Variants in GYG1 observed in about 807,000 individuals in gnomAD.
The protein encoded by GYG1 is glycogenin-1.
Under a neutral mutation model 41.9 loss-of-function variants are expected in GYG1, and 44 were observed. That is an observed-to-expected ratio of 1.05 (90% CI 0.83 to 1.35). GYG1 has a LOEUF of 1.35. Ranked by LOEUF, GYG1 falls within the 40% of genes most tolerant of loss-of-function variation. GYG1 has a pLI of 0.00. For missense variants in GYG1, 429 were observed against 418.9 expected, an observed-to-expected ratio of 1.02 and a Z score of -0.21; for synonymous variants, 141 against 158.1, an observed-to-expected ratio of 0.89 and a Z score of 0.81.
rs775451233 is a variant in GYG1 at position 148,991,664 on chromosome 3, C to G, written c.7+17C>G. On this transcript the variant is annotated intron_variant, in intron 1 of 7. Transcript: ENST00000345003. ...CCATGACAGGTACCGCCGCGCAGCC[C>G]GCCGCCGCCAGCCCCGGGACCCCGG... 2.0e-5 allele frequency: 31 copies of G among 1,520,012 alleles called. No homozygotes were observed. Among genetic ancestry groups the G allele is most frequent in the Admixed American group, 5.9e-5 (3 of 50,890 alleles). 94.2% of individuals were successfully genotyped at this position (1,520,012 alleles called of 1,614,324 possible).
intron 5 of GYG1, among the ~76,000 whole-genome samples, chr3:149,016,802 G>A (rs537284342): frequency 2.6e-5 from 4 of 152,324 alleles, no homozygotes; most frequent in African/African-American, 9.6e-5. Flanking sequence ...GAGTGCGTGA[G>A]AGAGGAGAGG....
intron 3 of GYG1, 42 bp downstream of exon 3, chr3:148,996,518 A>G: frequency 6.5e-7 from 1 of 1,529,436 alleles, no homozygotes; most frequent in Non-Finnish European, 9.0e-7. Flanking sequence ...ACATATATAT[A>G]TATGGTGATG....
At chr3:149,015,818 A>G (rs1174947616) in intron 5 of GYG1, among the ~76,000 whole-genome samples, 2 of 152,068 alleles carry the variant, frequency 1.3e-5, no homozygotes, top group African/African-American at 4.8e-5. Flanking sequence ...GTGTAAAGAT[A>G]GATGTCACCA....
chr3:149,007,508 G>C (rs1361483865), intron 4 of GYG1, among the ~76,000 whole-genome samples: 2 of 152,214 alleles, frequency 1.3e-5, no homozygotes, highest in Non-Finnish European at 2.9e-5. Flanking sequence ...AGAGTTGATT[G>C]AAGGTATTTG....
chr3:148,995,205 G>T (rs965945441), intron 2 of GYG1, among the ~76,000 whole-genome samples: 3 of 152,120 alleles, frequency 2.0e-5, no homozygotes, highest in African/African-American at 7.2e-5. Context: ...GTGAGACTCT[G>T]TCTTAAAAAA....
chr3:148,995,701 T>A (rs943132745), intron 2 of GYG1, among the ~76,000 whole-genome samples: 1 of 152,222 alleles, frequency 6.6e-6, no homozygotes, highest in African/African-American at 2.4e-5. Context: ...CAATACCAGT[T>A]TTGTTCTGCA....
intron 5 of GYG1, among the ~76,000 whole-genome samples, chr3:149,012,433 C>G (rs1713785974): frequency 6.6e-6 from 1 of 152,168 alleles, no homozygotes; most frequent in Non-Finnish European, 1.5e-5. Context: ...CTTGCCAACT[C>G]CAAATAACCA....
At chr3:149,007,250 A>G (rs1713454741) in intron 4 of GYG1, among the ~76,000 whole-genome samples, 1 of 152,134 alleles carries the variant, frequency 6.6e-6, no homozygotes, top group Non-Finnish European at 1.5e-5. Context: ...CCTTCCAAAG[A>G]CCCCACTCCA....
At chr3:149,022,320 G>T (rs1268594214) in intron 5 of GYG1, among the ~76,000 whole-genome samples, 1 of 151,936 alleles carries the variant, frequency 6.6e-6, no homozygotes, top group Non-Finnish European at 1.5e-5. Flanking sequence ...ATTTTAAAAT[G>T]TGCATTGTTT....
chr3:148,997,984 G>T (rs1291181195), intron 4 of GYG1, among the ~76,000 whole-genome samples: 1 of 152,084 alleles, frequency 6.6e-6, no homozygotes, highest in African/African-American at 2.4e-5. Flanking sequence ...TTCAGTCCTG[G>T]GTGCAGATAT....
At chr3:149,009,480 T>C (rs1713598530) in intron 5 of GYG1, 78 bp downstream of exon 5, 5 of 1,355,250 alleles carry the variant, frequency 3.7e-6, no homozygotes, top group African/African-American at 1.4e-5. Context: ...GGCTGCTTCA[T>C]TGTCATTCCG....
At chr3:149,006,080 C>CTTTTTTTT (rs34268321) in intron 4 of GYG1, among the ~76,000 whole-genome samples, 7 of 117,206 alleles carry the variant, frequency 6.0e-5, no homozygotes, top group Non-Finnish European at 1.0e-4. Flanking sequence ...TCATCATATT[C>CTTTTTTTT]TTTTTTTTTT....
At chr3:149,015,980 AGGCC>A (rs1441830788) in intron 5 of GYG1, among the ~76,000 whole-genome samples, 1 of 152,084 alleles carries the variant, frequency 6.6e-6, no homozygotes, top group Non-Finnish European at 1.5e-5. Flanking sequence ...GAGCCAGGAC[AGGCC>A]GGGCGCAGTG....
chr3:148,995,285 G>A (rs915335775), intron 2 of GYG1, among the ~76,000 whole-genome samples: 1 of 152,106 alleles, frequency 6.6e-6, no homozygotes, highest in Non-Finnish European at 1.5e-5. Context: ...AAAAATATCC[G>A]GGCACACTAG....
At chr3:149,009,954 C>A (rs1442625428) in intron 5 of GYG1, among the ~76,000 whole-genome samples, 2 of 152,156 alleles carry the variant, frequency 1.3e-5, no homozygotes, top group African/African-American at 2.4e-5. Flanking sequence ...CTTTCTGCCT[C>A]CATGTCTTCA....
At chr3:149,019,116 C>A in intron 5 of GYG1, among the ~76,000 whole-genome samples, 1 of 150,722 alleles carries the variant, frequency 6.6e-6, no homozygotes, top group Non-Finnish European at 1.5e-5. Context: ...CCTAATGCAT[C>A]TAAAAGCATT....
Position 148,996,916 on chromosome 3 carries a change from C to T in GYG1, c.481+12C>T. 1 of 1,596,776 alleles carries T rather than the reference C, an allele frequency of 6.3e-7. No homozygotes were observed. Among genetic ancestry groups the T allele is most frequent in the Middle Eastern group, 1.7e-4 (1 of 6,020 alleles). ...AGGTAGTTTTGATGGTATGTATTTG[C>T]TATCTTCATGTCTGATAAGCTGTTA... On this transcript the variant is annotated intron_variant, in intron 4 of 7. Coordinates refer to ENST00000345003, the MANE Select transcript of GYG1 (RefSeq NM_004130.4).
At chr3:149,009,220 A>T in intron 4 of GYG1, 56 bp from the exon 5 acceptor site, 1 of 1,400,376 alleles carries the variant, frequency 7.1e-7, no homozygotes, top group South Asian at 1.2e-5. Context: ...TGCTCCTATA[A>T]AATTATTAAA....
At chr3:149,013,323 A>T (rs1278877882) in intron 5 of GYG1, among the ~76,000 whole-genome samples, 1 of 152,164 alleles carries the variant, frequency 6.6e-6, no homozygotes, top group East Asian at 1.9e-4. Flanking sequence ...ACTGCAAAAA[A>T]AATCTTATTA....
Sources: gnomAD v4.1 joint callset for allele counts (sites outside exome capture counted in the v4.1 genomes callset) on GRCh38, gnomAD v4.1.1 for gene constraint, MANE v1.5 for transcripts, NCBI Gene and HGNC (gene_info 2026-07-23, HGNC 2026-07-21) for gene names.